LOC128462377: variants seen among roughly 807,000 people sequenced by gnomAD.
chr16:89,372,608 A>G, the LOC128462377 span, among the ~76,000 whole-genome samples: 1 of 152,222 alleles, frequency 6.6e-6, no homozygotes, highest in Non-Finnish European at 1.5e-5. Context: ...CTAAAAATTA[A>G]AATACTGAAA....
the LOC128462377 span, among the ~76,000 whole-genome samples, chr16:89,320,772 T>A: frequency 4.6e-5 from 7 of 152,226 alleles, no homozygotes; most frequent in Non-Finnish European, 1.0e-4. Context: ...GGACAGTGTC[T>A]GCGGCCAGCT....
chr16:89,372,126 C>T, the LOC128462377 span, among the ~76,000 whole-genome samples: 9 of 152,334 alleles, frequency 5.9e-5, no homozygotes, highest in Non-Finnish European at 1.2e-4. Context: ...CATGCACACA[C>T]GGGCAACTTT....
the LOC128462377 span, among the ~76,000 whole-genome samples, chr16:89,335,482 G>T: frequency 1.3e-5 from 2 of 152,330 alleles, 1 homozygote; most frequent in Non-Finnish European, 2.9e-5. Flanking sequence ...TACGCAGTGG[G>T]TTAGGGCAGG....
At chr16:89,401,668 C>A in the LOC128462377 span, among the ~76,000 whole-genome samples, 1 of 152,124 alleles carries the variant, frequency 6.6e-6, no homozygotes, top group Admixed American at 6.6e-5. Flanking sequence ...CAGACGATGG[C>A]CTTCCTGGGA....
At chr16:89,381,140 T>A in the LOC128462377 span, among the ~76,000 whole-genome samples, 270 of 152,148 alleles carry the variant, frequency 1.8e-3, 2 homozygotes, top group African/African-American at 5.7e-3. Flanking sequence ...CCGGCCAACA[T>A]GGCGAAACCC....
the LOC128462377 span, among the ~76,000 whole-genome samples, chr16:89,396,305 C>A: frequency 6.0e-5 from 9 of 149,106 alleles, no homozygotes; most frequent in Non-Finnish European, 1.3e-4. Flanking sequence ...TGGGTGCACA[C>A]TGTGTGCTGA....
At chr16:89,402,759 G>T in the LOC128462377 span, among the ~76,000 whole-genome samples, 1 of 146,778 alleles carries the variant, frequency 6.8e-6, no homozygotes, top group Non-Finnish European at 1.5e-5. Flanking sequence ...TATCTGCAGG[G>T]TGAGGTGAGG....
At chr16:89,367,750 C>T in the LOC128462377 span, among the ~76,000 whole-genome samples, 1 of 152,212 alleles carries the variant, frequency 6.6e-6, no homozygotes, top group South Asian at 2.1e-4. Context: ...CTACCCCCAG[C>T]GGCTGCATGT....
At chr16:89,353,154 C>T in the LOC128462377 span, among the ~76,000 whole-genome samples, 2 of 151,994 alleles carry the variant, frequency 1.3e-5, no homozygotes, top group Non-Finnish European at 2.9e-5. Flanking sequence ...CCAGCCTGGC[C>T]AATATGGTGA....
chr16:89,321,496 C>G, the LOC128462377 span, among the ~76,000 whole-genome samples: 1 of 151,128 alleles, frequency 6.6e-6, no homozygotes, highest in Non-Finnish European at 1.5e-5. Context: ...GGAGCCGCAG[C>G]TGCGGGGCAG....
the LOC128462377 span, among the ~76,000 whole-genome samples, chr16:89,364,874 C>A: frequency 6.6e-6 from 1 of 152,192 alleles, no homozygotes; most frequent in South Asian, 2.1e-4. Context: ...AACAGCCTGG[C>A]ACGCAGATGG....
the LOC128462377 span, among the ~76,000 whole-genome samples, chr16:89,342,539 C>A: frequency 6.6e-6 from 1 of 152,246 alleles, no homozygotes; most frequent in African/African-American, 2.4e-5. Context: ...GTGGCTCTCT[C>A]CTAGCACACC....
the LOC128462377 span, among the ~76,000 whole-genome samples, chr16:89,364,655 T>C: frequency 6.6e-6 from 1 of 152,220 alleles, no homozygotes; most frequent in Admixed American, 6.5e-5. Context: ...CAACAGCTGA[T>C]AAGCTTAGAA....
the LOC128462377 span, among the ~76,000 whole-genome samples, chr16:89,337,870 T>C: frequency 6.6e-6 from 1 of 152,198 alleles, no homozygotes; most frequent in East Asian, 1.9e-4. Context: ...TCTAATGGTG[T>C]GGTCTTCAGT....
At chr16:89,402,006 G>A in the LOC128462377 span, among the ~76,000 whole-genome samples, 1 of 151,110 alleles carries the variant, frequency 6.6e-6, no homozygotes, top group Non-Finnish European at 1.5e-5. Context: ...CAGAGCCGTG[G>A]GAGAACAGAT....
chr16:89,329,531 T>C, the LOC128462377 span, among the ~76,000 whole-genome samples: 1 of 152,184 alleles, frequency 6.6e-6, no homozygotes, highest in African/African-American at 2.4e-5. Context: ...AAATTTAAAA[T>C]GAGTGAATTT....
the LOC128462377 span, among the ~76,000 whole-genome samples, chr16:89,334,245 C>A: frequency 6.6e-6 from 1 of 151,426 alleles, no homozygotes; most frequent in African/African-American, 2.4e-5. Context: ...TGATGCCTGG[C>A]CTAGCCCTCA....
chr16:89,373,633 C>T, the LOC128462377 span: 3 of 152,216 alleles, frequency 2.0e-5, no homozygotes, highest in Non-Finnish European at 4.4e-5. Flanking sequence ...CACATTCCCA[C>T]GAGCTGCTTT....
chr16:89,402,040 T>C, the LOC128462377 span, among the ~76,000 whole-genome samples: 1 of 151,818 alleles, frequency 6.6e-6, no homozygotes, highest in Non-Finnish European at 1.5e-5. Flanking sequence ...GCTCCTGGTC[T>C]GTGGTGATTT....
Sources: allele counts gnomAD v4.1 joint callset (sites outside exome capture counted in the v4.1 genomes callset), GRCh38; gene constraint gnomAD v4.1.1; transcripts MANE v1.5.